The following MBL2 variants were observed in gnomAD, a reference collection of about 807,000 sequenced individuals.
MBL2 encodes the protein mannose binding lectin 2.
In MBL2, 6 loss-of-function variants were observed where a neutral mutation model predicts 12.7. The ratio of observed to expected loss-of-function variants is 0.47; its 90% CI spans 0.26 to 0.94. The LOEUF is 0.94. Ranked by LOEUF, MBL2 falls within the 40% of genes least tolerant of loss-of-function variation. The probability of loss-of-function intolerance (pLI) is 0.15; values close to 1 mark genes in which losing one functional copy is unlikely to be tolerated. For missense variants in MBL2, 307 were observed against 295.2 expected (o/e 1.04, Z -0.29); for synonymous variants, 114 against 112.0 (o/e 1.02, Z -0.11).
In MBL2 at chr10:52,771,814, C is replaced by T. The variant is rs1163708192; in HGVS notation, c.-9-170G>A. The T allele has an allele frequency of 6.6e-6, 6 of 911,008 alleles. No individual in the cohort carries two copies. In the East Asian group the frequency reaches 1.6e-4, roughly 24 times the overall value. 56.4% of individuals were successfully genotyped at this position (911,008 alleles called of 1,614,324 possible). On this transcript the variant is annotated intron_variant, in intron 1 of 4. Coordinates refer to ENST00000674931, the MANE Select transcript of MBL2 (RefSeq NM_001378373.1). ...AAACATTCCTTGTGACACTGCGTGA[C>T]TAGTACTTTAACAAAGGTAGGCACT...
rs1331046689 is a variant in MBL2 at position 52,767,972 on chromosome 10, C to A, written c.*165G>T. The A allele has an allele frequency of 2.9e-6, 2 of 697,398 alleles. No homozygotes were observed. The highest frequency in any genetic ancestry group is 4.6e-6 in the Non-Finnish European group (2 of 436,822). 43.2% of individuals were successfully genotyped at this position (697,398 alleles called of 1,614,324 possible). On this transcript the variant is annotated 3_prime_UTR_variant, in exon 5 of 5. Transcript: ENST00000674931. ...CTACTGCTGCTGCTAACTACTACTACTACTATTATTGCTTTGTTGGTGCTG... is the reference window on the plus strand; with the variant it reads ...CTACTGCTGCTGCTAACTACTACTAATACTATTATTGCTTTGTTGGTGCTG...
Position 52,768,601 on chromosome 10 carries a change from G to A in MBL2, c.374-91C>T, listed in dbSNP as rs35406743. 2.0e-3 allele frequency: 1,722 copies of A among 851,872 alleles called. 34 individuals are homozygous for A. The African/African-American group carries it at 0.023, about 11-fold the overall frequency. 52.8% of individuals were successfully genotyped at this position (851,872 alleles called of 1,614,324 possible). On this transcript the variant is annotated intron_variant, in intron 4 of 4. Coordinates refer to ENST00000674931, the MANE Select transcript of MBL2 (RefSeq NM_001378373.1). ...AAAAGTCTTCTAGAGTACAGTTGCC[G>A]GATAAAATATAGTATGTCCAGTTAA... is the stretch of plus-strand genomic sequence containing the variant.
chr10:52,768,476 G>A lies in MBL2; in HGVS notation c.408C>T (p.Asn136=), dbSNP rs35805975. The A allele has an allele frequency of 0.022, 35,000 of 1,588,298 alleles. 580 individuals are homozygous for A. Among genetic ancestry groups the A allele is most frequent in the Middle Eastern group, 0.025 (148 of 5,902 alleles). Residue 136 remains asparagine, a synonymous_variant, in exon 5 of 5, where the codon AAC becomes AAT. Transcript: ENST00000674931. ...TTTCACCATTGGTCAGGAAGAACTTGTTCCCAACTTGTTTGCCCAGAGAGA... is the reference window on the plus strand; with the variant it reads ...TTTCACCATTGGTCAGGAAGAACTTATTCCCAACTTGTTTGCCCAGAGAGA... ...LTFSLGKQVG[N]KFFLTNGEIM... is the part of the protein sequence containing the mutation.
intron 3 of MBL2, among the ~76,000 whole-genome samples, chr10:52,770,016 A>T (rs1840367492): frequency 6.6e-6 from 1 of 152,204 alleles, no homozygotes; most frequent in Non-Finnish European, 1.5e-5. Context: ...AGAAGCCTAA[A>T]GCCTATCTTA....
chr10:52,769,493 T>G (rs147805123), intron 3 of MBL2, among the ~76,000 whole-genome samples, 178 bp from the exon 4 acceptor site: 21 of 152,304 alleles, frequency 1.4e-4, no homozygotes, highest in Admixed American at 2.6e-4. Flanking sequence ...AAATCGCTAT[T>G]TCCATCCAAC....
chr10:52,770,906 G>T, intron 2 of MBL2, 120 bp from the exon 3 acceptor site: 1 of 505,160 alleles, frequency 2.0e-6, no homozygotes, highest in Non-Finnish European at 3.4e-6. Flanking sequence ...TGACCTTTCT[G>T]AGCACTGCTC....
intron 3 of MBL2, 68 bp from the exon 4 acceptor site, chr10:52,769,383 G>A: frequency 6.1e-6 from 5 of 815,262 alleles, no homozygotes; most frequent in Non-Finnish European, 7.9e-6. Context: ...ATATACAAGG[G>A]AGTGGAGTAT....
Position 52,767,926 on chromosome 10 carries a change from A to G in MBL2, c.*211T>C, listed in dbSNP as rs1840330314. 1 of 427,460 alleles carries G rather than the reference A, an allele frequency of 2.3e-6. No homozygotes were observed. Among genetic ancestry groups the G allele is most frequent in the African/African-American group, 2.0e-5 (1 of 49,126 alleles). The allele number at this position is 427,460 out of a possible 1,614,324, so 26.5% of individuals were successfully genotyped here. On this transcript the variant is annotated 3_prime_UTR_variant, in exon 5 of 5. Coordinates refer to ENST00000674931, the MANE Select transcript of MBL2 (RefSeq NM_001378373.1). ...GGGCCTCATAGTATATATTAAAAAT[A>G]TTATATAATTAGCATGACTACTACT...
rs1840301845 is a variant in MBL2 at position 52,766,152 on chromosome 10, C to T, written c.*1985G>A. The T allele has an allele frequency of 6.6e-6, 1 of 152,124 alleles. No homozygotes were observed. The highest frequency in any genetic ancestry group is 1.5e-5 in the Non-Finnish European group (1 of 68,038). 9.4% of individuals were successfully genotyped at this position (152,124 alleles called of 1,614,324 possible). A position where few individuals can be genotyped will look rare whatever the true frequency, so the allele number is the denominator to read the frequency against. On this transcript the variant is annotated 3_prime_UTR_variant, in exon 5 of 5. Coordinates refer to ENST00000674931, the MANE Select transcript of MBL2 (RefSeq NM_001378373.1). ...GAGATTCAGTAGTAAGTTGCCAGTT[C>T]TGCATAAGTTGATTGATAGACTCAA...
At position 52,766,194 on chromosome 10, in the gene MBL2, A is replaced by T. The variant is rs937569678; in HGVS notation, c.*1943T>A. The T allele has an allele frequency of 6.6e-6, 1 of 152,166 alleles. No individual in the cohort carries two copies. The highest frequency in any genetic ancestry group is 1.5e-5 in the Non-Finnish European group (1 of 68,034). The allele number at this position is 152,166 out of a possible 1,614,324, so 9.4% of individuals were successfully genotyped here. ...TAGACTCAATGTGGTCCCAGTAGAAACCTCATCAGGATTTTGTAGAAATTG... is the reference window on the plus strand; with the variant it reads ...TAGACTCAATGTGGTCCCAGTAGAATCCTCATCAGGATTTTGTAGAAATTG... On this transcript the variant is annotated 3_prime_UTR_variant, in exon 5 of 5. Coordinates refer to ENST00000674931, the MANE Select transcript of MBL2 (RefSeq NM_001378373.1).
intron 4 of MBL2, among the ~76,000 whole-genome samples, chr10:52,768,978 A>G (rs562793993): frequency 2.9e-4 from 44 of 152,048 alleles, no homozygotes; most frequent in Non-Finnish European, 5.3e-4. Context: ...TCAGTGAGCA[A>G]TATCAGACGG....
At chr10:52,772,344 G>A (rs566001093) in intron 1 of MBL2, among the ~76,000 whole-genome samples, 1 of 152,086 alleles carries the variant, frequency 6.6e-6, no homozygotes, top group Non-Finnish European at 1.5e-5. Flanking sequence ...TTTCTGGCAG[G>A]AATTCCCCAT....
intron 4 of MBL2, 119 bp from the exon 5 acceptor site, chr10:52,768,629 T>G (rs776790131): frequency 4.6e-6 from 3 of 647,004 alleles, no homozygotes; most frequent in Non-Finnish European, 7.5e-6. Flanking sequence ...CCAGTTAAAT[T>G]TGAATTTCAG....
intron 2 of MBL2, 123 bp downstream of exon 2, chr10:52,771,326 C>CT: frequency 9.2e-7 from 1 of 1,086,408 alleles, no homozygotes; most frequent in Non-Finnish European, 1.3e-6. Context: ...AGCTGAATCT[C>CT]TGTTTTGAGT....
Position 52,772,613 on chromosome 10 carries a change from C to G in MBL2, c.-10+124G>C, listed in dbSNP as rs1589872810. ...AAGCAGAAAAAGAGACATCCTCAACCTGATTTCTGCTTTCCATCCCACTCC... is the reference window on the plus strand; with the variant it reads ...AAGCAGAAAAAGAGACATCCTCAACGTGATTTCTGCTTTCCATCCCACTCC... On this transcript the variant is annotated intron_variant, in intron 1 of 4. Coordinates refer to ENST00000674931, the MANE Select transcript of MBL2 (RefSeq NM_001378373.1). 1.6e-5 allele frequency: 6 copies of G among 384,680 alleles called. 1 individual carries two copies. In the Admixed American group the frequency reaches 3.9e-4, roughly 25 times the overall value. 23.8% of individuals were successfully genotyped at this position (384,680 alleles called of 1,614,324 possible). A position where few individuals can be genotyped will look rare whatever the true frequency, so the allele number is the denominator to read the frequency against.
At chr10:52,770,638 G>T (rs781171587) in intron 3 of MBL2, 32 bp downstream of exon 3, 5 of 1,294,840 alleles carry the variant, frequency 3.9e-6, no homozygotes, top group Non-Finnish European at 5.1e-6. Flanking sequence ...AACCCTGGGT[G>T]AAGTCAGCTC....
intron 4 of MBL2, among the ~76,000 whole-genome samples, chr10:52,768,904 A>G (rs35137523): frequency 0.022 from 3,347 of 152,064 alleles, 121 homozygotes; most frequent in East Asian, 0.078. Context: ...TATTTGCCCC[A>G]GGCAGGTTAG....
rs770240281 is a variant in MBL2 at position 52,771,442 on chromosome 10, C to A, written c.187+7G>T. 33 of 1,613,336 alleles carry A rather than the reference C, an allele frequency of 2.0e-5. No homozygotes were observed. The South Asian group carries it at 3.3e-4, about 16-fold the overall frequency. ...GAATTGCAGAGACAGAACAGCCCAA[C>A]ACGTACCTGGTTCCCCCTTTTCTCC... On this transcript the variant is annotated splice_region_variant and intron_variant, in intron 2 of 4. Coordinates refer to ENST00000674931, the MANE Select transcript of MBL2 (RefSeq NM_001378373.1).
intron 2 of MBL2, among the ~76,000 whole-genome samples, chr10:52,771,167 A>C (rs1840386365): frequency 6.6e-6 from 1 of 152,162 alleles, no homozygotes; most frequent in South Asian, 2.1e-4. Context: ...ACTGAAGTGA[A>C]TAGGGGTCTG....
Sources: allele counts gnomAD v4.1 joint callset (sites outside exome capture counted in the v4.1 genomes callset), GRCh38; gene constraint gnomAD v4.1.1; transcripts MANE v1.5; gene names NCBI Gene and HGNC (gene_info 2026-07-23, HGNC 2026-07-21).